CTIF: variants seen among roughly 807,000 people sequenced by gnomAD.
CTIF encodes CBP80/20-dependent translation initiation factor.
CTIF carries 21 observed loss-of-function variants against 66.0 expected under a neutral mutation model. The observed-to-expected ratio is 0.32, with a 90% CI of 0.23 to 0.46. The LOEUF (loss-of-function observed/expected upper bound fraction) is 0.46, where lower values mean the gene tolerates loss of function less well. Ranked by LOEUF, CTIF falls within the 20% of genes least tolerant of loss-of-function variation. The pLI is 1.00. For missense variants in CTIF, 739 were observed against 812.7 expected, an observed-to-expected ratio of 0.91 and a Z score of 1.10; for synonymous variants, 345 against 326.4, an observed-to-expected ratio of 1.06 and a Z score of -0.62.
At chr18:48,692,124 T>C (rs1402817450) in intron 6 of CTIF, among the ~76,000 whole-genome samples, 1 of 152,184 alleles carries the variant, frequency 6.6e-6, no homozygotes, top group Non-Finnish European at 1.5e-5. Flanking sequence ...TCAGATTTTA[T>C]CCTTTTCAAA....
intron 10 of CTIF, among the ~76,000 whole-genome samples, chr18:48,836,299 A>C (rs1040587584): frequency 6.6e-5 from 10 of 152,120 alleles, no homozygotes; most frequent in African/African-American, 2.4e-4. Context: ...CAGCCCCCAG[A>C]GAGGCCCTGG....
chr18:48,790,364 G>T (rs191856159), intron 9 of CTIF, among the ~76,000 whole-genome samples: 13 of 152,330 alleles, frequency 8.5e-5, no homozygotes, highest in African/African-American at 2.9e-4. Context: ...GAGTTACAGC[G>T]GTGCTTCTTG....
At chr18:48,851,971 A>G (rs974306151) in intron 10 of CTIF, among the ~76,000 whole-genome samples, 3 of 152,118 alleles carry the variant, frequency 2.0e-5, no homozygotes, top group Admixed American at 6.5e-5. Context: ...GTTCATGCCT[A>G]TAATTTACCT....
intron 1 of CTIF, among the ~76,000 whole-genome samples, chr18:48,590,163 A>T (rs1381271541): frequency 2.0e-5 from 3 of 152,028 alleles, no homozygotes; most frequent in African/African-American, 7.3e-5. Context: ...GAAGTTTGGG[A>T]CCCAAGCCTC....
intron 6 of CTIF, among the ~76,000 whole-genome samples, chr18:48,679,938 G>A (rs910857993): frequency 6.6e-6 from 1 of 152,180 alleles, no homozygotes; most frequent in Non-Finnish European, 1.5e-5. Flanking sequence ...GAGAGTGGGG[G>A]AGTCCAGGAG....
chr18:48,830,354 G>A (rs1239759667), intron 10 of CTIF, among the ~76,000 whole-genome samples: 1 of 152,092 alleles, frequency 6.6e-6, no homozygotes, highest in African/African-American at 2.4e-5. Context: ...AGTAGAGACG[G>A]GGTTTCACTA....
chr18:48,692,173 A>T (rs2091936135), intron 6 of CTIF, among the ~76,000 whole-genome samples: 1 of 152,226 alleles, frequency 6.6e-6, no homozygotes, highest in South Asian at 2.1e-4. Context: ...ATGAGACTTA[A>T]GTTTTTATCT....
chr18:48,696,840 T>A (rs2092016264), intron 6 of CTIF, among the ~76,000 whole-genome samples: 1 of 152,202 alleles, frequency 6.6e-6, no homozygotes, highest in Non-Finnish European at 1.5e-5. Context: ...ACAGGGGGCC[T>A]GTGGAGCTAA....
chr18:48,711,816 G>C, intron 7 of CTIF, 121 bp downstream of exon 7: 3 of 815,950 alleles, frequency 3.7e-6, no homozygotes, highest in Middle Eastern at 3.4e-4. Context: ...ATGAGATGGG[G>C]TTGGTGGCAT....
chr18:48,651,479 C>G (rs1161926546), intron 3 of CTIF, among the ~76,000 whole-genome samples: 1 of 151,088 alleles, frequency 6.6e-6, no homozygotes, highest in Non-Finnish European at 1.5e-5. Context: ...CAGGAGCACA[C>G]AGTAGACTCC....
intron 11 of CTIF, among the ~76,000 whole-genome samples, chr18:48,858,933 C>T (rs567117000): frequency 7.2e-5 from 11 of 152,258 alleles, no homozygotes; most frequent in African/African-American, 1.2e-4. Flanking sequence ...GCCAGAGAGA[C>T]GCCCCAGCAA....
At position 48,637,742 on chromosome 18, in the gene CTIF, A is replaced by G. The variant is rs371496636; in HGVS notation, c.252+1057A>G. Among the ~76,000 whole-genome samples, 84 of 152,080 alleles carry G rather than the reference A, an allele frequency of 5.5e-4. No individual in the cohort carries two copies. The South Asian group carries it at 7.9e-3, about 14-fold the overall frequency. The stretch of plus-strand genomic sequence containing the variant: ...GACGGCTGCCCAGGATGGTTCTTTC[A>G]CGTGACAAAATGTGCTTGTACGTCT... On this transcript the variant is annotated intron_variant, in intron 3 of 11. Coordinates refer to ENST00000256413, the MANE Select transcript of CTIF (RefSeq NM_014772.3).
intron 1 of CTIF, among the ~76,000 whole-genome samples, chr18:48,603,220 G>T (rs1376424351): frequency 6.7e-6 from 1 of 150,032 alleles, no homozygotes; most frequent in African/African-American, 2.5e-5. Context: ...ATGGATGAAT[G>T]GGTGGGTGGG....
intron 7 of CTIF, among the ~76,000 whole-genome samples, chr18:48,750,636 C>T (rs951817537): frequency 1.3e-5 from 2 of 152,250 alleles, no homozygotes; most frequent in Non-Finnish European, 2.9e-5. Context: ...GTGGTTTTCC[C>T]GAGACGCAGT....
At chr18:48,712,973 ACTTTC>A (rs2092243405) in intron 7 of CTIF, among the ~76,000 whole-genome samples, 1 of 152,222 alleles carries the variant, frequency 6.6e-6, no homozygotes, top group Non-Finnish European at 1.5e-5. Context: ...ACCACCAGAC[ACTTTC>A]TGTAGAAGCA....
intron 1 of CTIF, among the ~76,000 whole-genome samples, chr18:48,552,791 G>C (rs1217610659): frequency 1.3e-5 from 2 of 152,162 alleles, no homozygotes; most frequent in African/African-American, 2.4e-5. Flanking sequence ...CTCAAGCTTT[G>C]CCTGTCACAC....
At chr18:48,727,070 G>GCACACACACACACACACACACA in intron 7 of CTIF, among the ~76,000 whole-genome samples, 1 of 144,488 alleles carries the variant, frequency 6.9e-6, no homozygotes, top group Non-Finnish European at 1.5e-5. Flanking sequence ...CAAGTTAGCT[G>GCACACACACACACACACACACA]CACACACACA....
At chr18:48,838,068 A>AT (rs10708184) in intron 10 of CTIF, among the ~76,000 whole-genome samples, 14,837 of 150,298 alleles carry the variant, frequency 0.099, 865 homozygotes, top group South Asian at 0.26. Flanking sequence ...AGAAGAACTG[A>AT]TTTTTTTTTT....
chr18:48,777,642 C>G (rs1226211636), intron 9 of CTIF, among the ~76,000 whole-genome samples: 1 of 152,176 alleles, frequency 6.6e-6, no homozygotes, highest in African/African-American at 2.4e-5. Context: ...ACCCAGCTGC[C>G]CTTAGGAACG....
Sources: allele counts gnomAD v4.1 joint callset (sites outside exome capture counted in the v4.1 genomes callset), GRCh38; gene constraint gnomAD v4.1.1; transcripts MANE v1.5; gene names NCBI Gene and HGNC (gene_info 2026-07-23, HGNC 2026-07-21).